The following FNDC3B variants were observed in gnomAD, a reference collection of about 807,000 sequenced individuals.
The protein encoded by FNDC3B is fibronectin type III domain-containing protein 3B.
A neutral mutation model predicts 151.5 loss-of-function variants in FNDC3B; 12 were observed. The observed-to-expected ratio is 0.08, with a 90% CI of 0.05 to 0.13. The LOEUF is 0.13. Ranked by LOEUF, FNDC3B falls within the 10% of genes least tolerant of loss-of-function variation. FNDC3B has a pLI of 1.00. For synonymous variants in FNDC3B, 528 were observed against 549.0 expected (o/e 0.96, Z 0.54); for missense variants, 1,214 against 1,505.3 (o/e 0.81, Z 3.20).
chr3:172,090,583 G>T (rs138583948), intron 1 of FNDC3B, among the ~76,000 whole-genome samples: 1 of 152,266 alleles, frequency 6.6e-6, no homozygotes, highest in Non-Finnish European at 1.5e-5. Flanking sequence ...GTGGGATAGG[G>T]TTGTGAAAAT....
intron 2 of FNDC3B, among the ~76,000 whole-genome samples, chr3:172,119,357 T>G (rs1166494945): frequency 6.8e-6 from 1 of 146,888 alleles, no homozygotes; most frequent in Non-Finnish European, 1.5e-5. Context: ...ATGAGCAGTC[T>G]AGTTGAGGAG....
intron 3 of FNDC3B, chr3:172,186,743 A>AT (rs1724206026): frequency 2.8e-6 from 2 of 702,270 alleles, no homozygotes; most frequent in Non-Finnish European, 5.2e-6. Context: ...GCGATTGAAG[A>AT]TTTTTTCATC....
rs566121196 is a variant in FNDC3B, at chr3:172,201,267, G to C, written c.188-25604G>C. Among the ~76,000 whole-genome samples, 6 of 152,270 alleles carry C rather than the reference G, an allele frequency of 3.9e-5. No homozygotes were observed. In the East Asian group the frequency reaches 1.2e-3, roughly 29 times the overall value. On this transcript the variant is annotated intron_variant, in intron 3 of 25. Transcript: ENST00000415807. ...TCTCACGAAAGCTGCAGCCCCAGTG[G>C]GGGAAGCGCAGGGTGGAGTTTTTCC...
At chr3:172,275,002 G>A (rs1035405007) in intron 6 of FNDC3B, among the ~76,000 whole-genome samples, 5 of 151,972 alleles carry the variant, frequency 3.3e-5, no homozygotes, top group Non-Finnish European at 7.4e-5. Context: ...CTTTTCTGTT[G>A]TCTTATCTAT....
chr3:172,277,497 T>C (rs773083044), intron 6 of FNDC3B, among the ~76,000 whole-genome samples: 71 of 152,260 alleles, frequency 4.7e-4, no homozygotes, highest in Non-Finnish European at 8.5e-4. Flanking sequence ...CATGACCTCA[T>C]CTCATTCTAA....
chr3:172,307,223 A>G, intron 9 of FNDC3B, 140 bp from the exon 10 acceptor site: 2 of 848,290 alleles, frequency 2.4e-6, no homozygotes, highest in Non-Finnish European at 3.8e-6. Context: ...GGACAAGACC[A>G]ACAGATAAGA....
intron 6 of FNDC3B, among the ~76,000 whole-genome samples, chr3:172,260,914 T>C (rs1393462523): frequency 6.6e-6 from 1 of 152,110 alleles, no homozygotes; most frequent in Non-Finnish European, 1.5e-5. Flanking sequence ...AATTAACCAC[T>C]CTAAGTTACT....
intron 2 of FNDC3B, among the ~76,000 whole-genome samples, chr3:172,124,672 G>A (rs1720720903): frequency 6.6e-6 from 1 of 152,232 alleles, no homozygotes; most frequent in Admixed American, 6.5e-5. Flanking sequence ...TACTTTGGAA[G>A]CCTGCTGATT....
At chr3:172,271,413 C>T (rs949951287) in intron 6 of FNDC3B, among the ~76,000 whole-genome samples, 13 of 152,028 alleles carry the variant, frequency 8.6e-5, no homozygotes, top group African/African-American at 2.4e-4. Context: ...TCAGTAGTTC[C>T]GATTTCTTAG....
At chr3:172,271,008 C>T (rs533184425) in intron 6 of FNDC3B, among the ~76,000 whole-genome samples, 96 of 152,302 alleles carry the variant, frequency 6.3e-4, no homozygotes, top group Non-Finnish European at 1.1e-3. Context: ...TTCAGCCCCA[C>T]AAATGAAGGC....
At chr3:172,384,532 T>C (rs1735608334) in intron 25 of FNDC3B, among the ~76,000 whole-genome samples, 1 of 152,258 alleles carries the variant, frequency 6.6e-6, no homozygotes, top group South Asian at 2.1e-4. Context: ...TGACGCTTAA[T>C]AATAATTCAT....
intron 3 of FNDC3B, among the ~76,000 whole-genome samples, chr3:172,173,644 A>T (rs868493259): frequency 5.3e-5 from 8 of 151,526 alleles, no homozygotes; most frequent in South Asian, 2.1e-4. Context: ...AAAAAAAAAA[A>T]AATTAAAAAA....
chr3:172,264,107 C>G (rs1186101180), intron 6 of FNDC3B, among the ~76,000 whole-genome samples: 2 of 152,208 alleles, frequency 1.3e-5, no homozygotes, highest in African/African-American at 4.8e-5. Flanking sequence ...CTGTCTCAGA[C>G]TTCTGAGCAG....
In FNDC3B at chr3:172,329,086, T is replaced by G; in HGVS notation, c.1379+10T>G. Reference sequence around the variant, plus strand: ...ACGACATTGGTACCAGGTATGACGTTTCCTTGTCCTCTTGCCCTTCAGCCT... The same window carrying G: ...ACGACATTGGTACCAGGTATGACGTGTCCTTGTCCTCTTGCCCTTCAGCCT... On this transcript the variant is annotated intron_variant, in intron 12 of 25. Coordinates refer to ENST00000415807, the MANE Select transcript of FNDC3B (RefSeq NM_022763.4). 6.2e-7 allele frequency: 1 copy of G among 1,603,146 alleles called. No homozygotes were observed. The highest frequency in any genetic ancestry group is 8.5e-7 in the Non-Finnish European group (1 of 1,172,928).
intron 1 of FNDC3B, among the ~76,000 whole-genome samples, chr3:172,043,711 A>T (rs1251840731): frequency 6.6e-6 from 1 of 152,234 alleles, no homozygotes. Context: ...TAAAATACGC[A>T]CATTATTTGT....
chr3:172,239,072 GGCTT>G (rs1727330084), intron 4 of FNDC3B, among the ~76,000 whole-genome samples: 1 of 149,268 alleles, frequency 6.7e-6, no homozygotes, highest in Non-Finnish European at 1.5e-5. Context: ...TTTTTATTTT[GGCTT>G]GCTTTCTTAT....
At chr3:172,221,107 A>G (rs1056929011) in intron 3 of FNDC3B, among the ~76,000 whole-genome samples, 1 of 152,152 alleles carries the variant, frequency 6.6e-6, no homozygotes, top group Non-Finnish European at 1.5e-5. Flanking sequence ...GTGTGTAGAA[A>G]CACAATTGGC....
At chr3:172,383,271 A>G (rs930892019) in intron 25 of FNDC3B, among the ~76,000 whole-genome samples, 4 of 152,052 alleles carry the variant, frequency 2.6e-5, no homozygotes, top group African/African-American at 4.8e-5. Flanking sequence ...CTGTTTGTCT[A>G]TTATTGGTGT....
At position 172,133,577 on chromosome 3, in the gene FNDC3B, A is replaced by C. The variant is rs758274956; in HGVS notation, c.187+31A>C. On this transcript the variant is annotated intron_variant, in intron 3 of 25. Transcript: ENST00000415807. The stretch of plus-strand genomic sequence containing the variant: ...GACATTTTTGGTAAATATTCTAATC[A>C]AAGATTTTTTTCTTTATTTGAAGGA... 11 of 1,498,184 alleles carry C rather than the reference A, an allele frequency of 7.3e-6. No individual in the cohort carries two copies. The South Asian group carries it at 1.3e-4, about 17-fold the overall frequency. 92.8% of individuals were successfully genotyped at this position (1,498,184 alleles called of 1,614,324 possible). A position where few individuals can be genotyped will look rare whatever the true frequency, so the allele number is the denominator to read the frequency against.
Sources: gnomAD v4.1 joint callset for allele counts (sites outside exome capture counted in the v4.1 genomes callset) on GRCh38, gnomAD v4.1.1 for gene constraint, MANE v1.5 for transcripts, NCBI Gene and HGNC (gene_info 2026-07-23, HGNC 2026-07-21) for gene names.